FER1L6: variants seen among roughly 807,000 people sequenced by gnomAD.
The protein encoded by FER1L6 is fer-1-like protein 6.
Under a neutral mutation model 219.2 loss-of-function variants are expected in FER1L6, and 177 were observed. The observed-to-expected ratio is 0.81, with a 90% CI of 0.71 to 0.91. The LOEUF is 0.91. Among genes scored for constraint, FER1L6 ranks in the 40% least tolerant of loss-of-function variants. The pLI, the probability that FER1L6 is intolerant of heterozygous loss-of-function variation, is 0.00. For synonymous variants in FER1L6, 768 were observed against 824.3 expected (o/e 0.93, Z 1.17); for missense variants, 2,153 against 2,259.9 (o/e 0.95, Z 0.96).
chr8:124,003,024 G>A (rs1028152306), intron 12 of FER1L6, 143 bp from the exon 13 acceptor site: 1 of 649,400 alleles, frequency 1.5e-6, no homozygotes, highest in Non-Finnish European at 2.8e-6. Context: ...CAGTCTTGTT[G>A]GTCTGATCAT....
intron 33 of FER1L6, 133 bp from the exon 34 acceptor site, chr8:124,091,290 G>C: frequency 3.2e-6 from 2 of 623,828 alleles, no homozygotes; most frequent in Non-Finnish European, 5.2e-6. Context: ...TGTTTGGCCA[G>C]AAAAGAGAGA....
Position 124,119,252 on chromosome 8 carries a change from G to A in FER1L6, c.5390+308G>A, listed in dbSNP as rs139832996. On this transcript the variant is annotated intron_variant, in intron 40 of 40. Coordinates refer to ENST00000522917, the MANE Select transcript of FER1L6 (RefSeq NM_001039112.2). ...AGGGGGTGAGTCAAGCGATGAATGA[G>A]TTAGGAACTTGAAGTGAAGGGAATC... 4.5e-3 allele frequency among the ~76,000 whole-genome samples: 678 copies of A among 152,298 alleles called. 5 individuals are homozygous for A. Among genetic ancestry groups the A allele is most frequent in the Non-Finnish European group, 6.7e-3 (455 of 68,014 alleles).
At position 124,071,533 on chromosome 8, in the gene FER1L6, C is replaced by T. The variant is rs761234838; in HGVS notation, c.3994C>T (p.Gln1332Ter). ...CTCCTTCTGCATCTACAAAAGCCCC[C>T]AGGATTCTAGCTCTGAGGACAGCGG... ...KGSFCIYKSP[Q>*]DSSSEDSGQL... is the part of the protein sequence containing the mutation. The change falls in exon 31 of 41, where the codon CAG (glutamine) becomes TAG (stop). Residue 1332 changes from glutamine (Q) to a stop codon, truncating the protein, a stop_gained. Coordinates refer to ENST00000522917, the MANE Select transcript of FER1L6 (RefSeq NM_001039112.2). LOFTEE classifies it high-confidence loss of function. 2 of 1,614,106 alleles carry T rather than the reference C, an allele frequency of 1.2e-6. No individual in the cohort carries two copies. Among genetic ancestry groups the T allele is most frequent in the East Asian group, 2.2e-5 (1 of 44,874 alleles).
chr8:124,118,838 T>C lies in FER1L6; in HGVS notation c.5290-6T>C, dbSNP rs757200197. The C allele has an allele frequency of 6.2e-7, 1 of 1,613,694 alleles. No homozygotes were observed. Among genetic ancestry groups the C allele is most frequent in the Non-Finnish European group, 8.5e-7 (1 of 1,179,800 alleles). ...TGGAAACAAAAGGTTTTGCATCTTT[T>C]TGCAGGGCAAGGTTGAAGCTGAGTT... On this transcript the variant is annotated splice_region_variant and splice_polypyrimidine_tract_variant and intron_variant, in intron 39 of 40. Coordinates refer to ENST00000522917, the MANE Select transcript of FER1L6 (RefSeq NM_001039112.2).
Position 124,060,635 on chromosome 8 carries a change from G to A in FER1L6, c.3073G>A (p.Gly1025Ser). 1 of 1,614,130 alleles carries A rather than the reference G, an allele frequency of 6.2e-7. No homozygotes were observed. Among genetic ancestry groups the A allele is most frequent in the African/African-American group, 1.3e-5 (1 of 75,028 alleles). The change falls in exon 24 of 41, where the codon GGT becomes AGT. Residue 1025 changes from glycine (G) to serine (S), a missense_variant. Physicochemically the swap from Gly to Ser is moderately conservative, Grantham distance 56 (BLOSUM62 0). Coordinates refer to ENST00000522917, the MANE Select transcript of FER1L6 (RefSeq NM_001039112.2). Reference protein sequence around the residue: ...PQALIECGGQGVKSCVIQSYK... With the variant: ...PQALIECGGQSVKSCVIQSYK... ...GGCTCTCATTGAGTGCGGAGGACAAGGTGTGAAGTCCTGCGTGATCCAGAG... is the reference window on the plus strand; with the variant it reads ...GGCTCTCATTGAGTGCGGAGGACAAAGTGTGAAGTCCTGCGTGATCCAGAG...
At chr8:124,053,963 C>A (rs1212917982) in intron 22 of FER1L6, among the ~76,000 whole-genome samples, 1 of 152,192 alleles carries the variant, frequency 6.6e-6, no homozygotes, top group African/African-American at 2.4e-5. Flanking sequence ...CCCGTCCTCC[C>A]TATCCTGACT....
chr8:124,114,192 T>C (rs1046330263), intron 39 of FER1L6, among the ~76,000 whole-genome samples: 1 of 152,102 alleles, frequency 6.6e-6, no homozygotes, highest in Non-Finnish European at 1.5e-5. Flanking sequence ...CTTTCCCTCA[T>C]CAGTTGGAAA....
intron 18 of FER1L6, among the ~76,000 whole-genome samples, chr8:124,033,058 T>C (rs1389081122): frequency 1.3e-5 from 2 of 152,172 alleles, no homozygotes; most frequent in Non-Finnish European, 2.9e-5. Context: ...TTGCAGGCAA[T>C]AGAACATTCT....
Position 123,856,316 on chromosome 8 carries a change from G to GTATGTATATATATATA in FER1L6, c.-8+4134_-8+4135insGTATATATATATATAT, listed in dbSNP as rs1554608010. On this transcript the variant is annotated intron_variant, in intron 1 of 40. Transcript: ENST00000522917. ...TGTATATATATATATATATGTATGTGTATATATATATATATATATATATAT... is the reference window on the plus strand; with the variant it reads ...TGTATATATATATATATATGTATGTGTATGTATATATATATATATATATATATATATATATATATAT... Among the ~76,000 whole-genome samples, 24 of 45,082 alleles carry GTATGTATATATATATA rather than the reference G, an allele frequency of 5.3e-4. 2 individuals are homozygous for GTATGTATATATATATA. The highest frequency in any genetic ancestry group is 2.0e-3 in the African/African-American group (23 of 11,504). The allele number at this position is 45,082 out of a possible 152,430, so 29.6% of individuals were successfully genotyped here.
chr8:124,056,232 T>G (rs1288034536), intron 22 of FER1L6, among the ~76,000 whole-genome samples: 1 of 152,172 alleles, frequency 6.6e-6, no homozygotes, highest in Non-Finnish European at 1.5e-5. Context: ...ACTTCCCAAT[T>G]CCTAGAAATA....
At chr8:124,087,173 T>G (rs1192280238) in intron 33 of FER1L6, among the ~76,000 whole-genome samples, 2 of 149,826 alleles carry the variant, frequency 1.3e-5, no homozygotes, top group Non-Finnish European at 3.0e-5. Context: ...TACTCTGATC[T>G]CTCTCTCTCT....
chr8:123,868,734 A>G (rs1191812560), intron 1 of FER1L6, among the ~76,000 whole-genome samples: 5 of 151,166 alleles, frequency 3.3e-5, no homozygotes, highest in Non-Finnish European at 7.4e-5. Flanking sequence ...CTCCGGTGGG[A>G]GCCATTGTCT....
rs1816935292 is a variant in FER1L6 at position 123,872,192 on chromosome 8, A to G, written c.-8+20007A>G. Reference sequence around the variant, plus strand: ...AGGACAGTACCAAGGAGATGGCACTAAATCATTCGTGAGAGATCCGCCCCA... The same window carrying G: ...AGGACAGTACCAAGGAGATGGCACTGAATCATTCGTGAGAGATCCGCCCCA... On this transcript the variant is annotated intron_variant, in intron 1 of 40. Coordinates refer to ENST00000522917, the MANE Select transcript of FER1L6 (RefSeq NM_001039112.2). Among the ~76,000 whole-genome samples the G allele has an allele frequency of 1.3e-5, 2 of 152,170 alleles. 1 individual carries two copies. Among genetic ancestry groups the G allele is most frequent in the South Asian group, 4.1e-4 (2 of 4,830 alleles).
At chr8:124,018,488 C>T (rs1263932053) in intron 16 of FER1L6, among the ~76,000 whole-genome samples, 1 of 152,132 alleles carries the variant, frequency 6.6e-6, no homozygotes, top group Non-Finnish European at 1.5e-5. Flanking sequence ...CTTTTCTGTC[C>T]TCTGGAACAT....
intron 11 of FER1L6, among the ~76,000 whole-genome samples, chr8:123,982,770 C>G (rs890979012): frequency 1.2e-4 from 18 of 152,134 alleles, no homozygotes; most frequent in African/African-American, 4.3e-4. Context: ...GCTGGAGAAC[C>G]CACTTTGAAG....
rs115822307 is a variant in FER1L6 at position 123,978,138 on chromosome 8, G to A, written c.1063+529G>A. Among the ~76,000 whole-genome samples, 1,220 of 152,300 alleles carry A rather than the reference G, an allele frequency of 8.0e-3. 17 individuals are homozygous for A. The highest frequency in any genetic ancestry group is 0.026 in the African/African-American group (1,083 of 41,552). ...CCAGGAGGTTTGCTCCTGGTCCCGGGTCTTCCACAAACACTGCTATGTGTC... is the reference window on the plus strand; with the variant it reads ...CCAGGAGGTTTGCTCCTGGTCCCGGATCTTCCACAAACACTGCTATGTGTC... On this transcript the variant is annotated intron_variant, in intron 10 of 40. Coordinates refer to ENST00000522917, the MANE Select transcript of FER1L6 (RefSeq NM_001039112.2).
intron 1 of FER1L6, among the ~76,000 whole-genome samples, chr8:123,940,015 C>T (rs998989389): frequency 6.6e-6 from 1 of 152,184 alleles, no homozygotes; most frequent in African/African-American, 2.4e-5. Flanking sequence ...TGGCACTGTG[C>T]TCTTGACCCA....
At chr8:124,102,817 A>G (rs1822600573) in intron 38 of FER1L6, among the ~76,000 whole-genome samples, 1 of 152,212 alleles carries the variant, frequency 6.6e-6, no homozygotes, top group Non-Finnish European at 1.5e-5. Context: ...GCTGAAGCCA[A>G]TAATCCAGGC....
chr8:123,861,271 T>C (rs1271365678), intron 1 of FER1L6, among the ~76,000 whole-genome samples: 3 of 121,710 alleles, frequency 2.5e-5, no homozygotes, highest in African/African-American at 1.0e-4. Flanking sequence ...TTCTCAGGTT[T>C]GTCAAAGATC....
Sources: allele counts gnomAD v4.1 joint callset (sites outside exome capture counted in the v4.1 genomes callset), GRCh38; gene constraint gnomAD v4.1.1; transcripts MANE v1.5; gene names NCBI Gene and HGNC (gene_info 2026-07-23, HGNC 2026-07-21).